Variants in PCDH9 observed in about 807,000 individuals in gnomAD.
PCDH9 encodes protocadherin-9.
Under a neutral mutation model 70.6 loss-of-function variants are expected in PCDH9, and 24 were observed. The ratio of observed to expected loss-of-function variants is 0.34; its 90% CI spans 0.25 to 0.48. The LOEUF (loss-of-function observed/expected upper bound fraction) is 0.48. PCDH9 is among the 20% of genes least tolerant of loss of function. PCDH9 has a pLI of 0.99. For synonymous variants in PCDH9, 562 were observed against 558.5 expected (o/e 1.01, Z -0.09); for missense variants, 1,281 against 1,503.6 (o/e 0.85, Z 2.45).
chr13:66,724,441 C>A (rs554366418), intron 3 of PCDH9, among the ~76,000 whole-genome samples: 11 of 152,152 alleles, frequency 7.2e-5, no homozygotes, highest in African/African-American at 2.7e-4. Context: ...CTTTACATTT[C>A]TCTCCTTATC....
intron 3 of PCDH9, among the ~76,000 whole-genome samples, chr13:66,755,841 T>C (rs2079531470): frequency 6.6e-6 from 1 of 152,096 alleles, no homozygotes; most frequent in African/African-American, 2.4e-5. Context: ...AATTGACACA[T>C]GCAGAAAAAT....
At chr13:66,845,083 C>A (rs1288614814) in intron 3 of PCDH9, among the ~76,000 whole-genome samples, 1 of 152,118 alleles carries the variant, frequency 6.6e-6, no homozygotes, top group African/African-American at 2.4e-5. Flanking sequence ...TAAGTTCTCA[C>A]TCCAGTCTGC....
intron 2 of PCDH9, among the ~76,000 whole-genome samples, chr13:67,154,603 TATACACACACACACAC>T (rs1226359231): frequency 1.2e-5 from 1 of 84,782 alleles, no homozygotes; most frequent in African/African-American, 4.9e-5. Flanking sequence ...AAAATATATA[TATACACACACACACAC>T]ACACACACAC....
chr13:66,542,025 G>A lies in PCDH9; in HGVS notation c.3340+89185C>T, dbSNP rs577457972. Among the ~76,000 whole-genome samples, 27 of 152,138 alleles carry A rather than the reference G, an allele frequency of 1.8e-4. 1 individual carries two copies. In the South Asian group the frequency reaches 4.2e-3, roughly 23 times the overall value. On this transcript the variant is annotated intron_variant, in intron 4 of 4. Transcript: ENST00000377865. ...GTTTGTTTGCATTTAAAAGGCTTGC[G>A]CATATAGATAAAATGAGTTAAGGAA...
At chr13:66,680,584 G>C (rs928576120) in intron 3 of PCDH9, among the ~76,000 whole-genome samples, 1 of 120,030 alleles carries the variant, frequency 8.3e-6, no homozygotes, top group Admixed American at 7.4e-5. Flanking sequence ...TTTTCAGGTC[G>C]AACTTTTATC....
At chr13:66,770,303 A>G (rs1277835206) in intron 3 of PCDH9, among the ~76,000 whole-genome samples, 2 of 152,128 alleles carry the variant, frequency 1.3e-5, no homozygotes, top group Non-Finnish European at 2.9e-5. Flanking sequence ...CTCATAAATT[A>G]CCACTAAAGA....
At chr13:67,198,211 AG>A (rs2089123720) in intron 2 of PCDH9, among the ~76,000 whole-genome samples, 1 of 151,692 alleles carries the variant, frequency 6.6e-6, no homozygotes, top group Non-Finnish European at 1.5e-5. Flanking sequence ...AAATATGTCA[AG>A]GGGAAAAATA....
chr13:66,444,124 C>A lies in PCDH9; in HGVS notation c.3341-139096G>T, dbSNP rs181736301. Among the ~76,000 whole-genome samples the A allele has an allele frequency of 1.8e-4, 28 of 152,240 alleles. No individual in the cohort carries two copies. The East Asian group carries it at 3.3e-3, about 18-fold the overall frequency. ...CCAGTTGTGCCCCACGGAGACTAAGCCATTCTTACTCTCCAGCACATTAAG... is the reference window on the plus strand; with the variant it reads ...CCAGTTGTGCCCCACGGAGACTAAGACATTCTTACTCTCCAGCACATTAAG... On this transcript the variant is annotated intron_variant, in intron 4 of 4. Transcript: ENST00000377865.
At chr13:66,677,679 C>G (rs139122380) in intron 3 of PCDH9, among the ~76,000 whole-genome samples, 1,637 of 152,170 alleles carry the variant, frequency 0.011, 22 homozygotes, top group Non-Finnish European at 0.016. Flanking sequence ...ATGTGATGTG[C>G]CTCTTCTCCC....
At chr13:66,324,820 A>C (rs2138098522) in intron 4 of PCDH9, among the ~76,000 whole-genome samples, 1 of 152,120 alleles carries the variant, frequency 6.6e-6, no homozygotes, top group Middle Eastern at 3.4e-3. Context: ...TAATTCACCA[A>C]GTTTTACCAC....
intron 4 of PCDH9, among the ~76,000 whole-genome samples, chr13:66,542,166 A>G (rs1157045518): frequency 1.3e-5 from 2 of 152,108 alleles, no homozygotes; most frequent in East Asian, 1.9e-4. Flanking sequence ...TATCATTTCT[A>G]TCTTATTTAT....
At chr13:66,734,486 C>A (rs957185142) in intron 3 of PCDH9, among the ~76,000 whole-genome samples, 2 of 152,076 alleles carry the variant, frequency 1.3e-5, no homozygotes, top group African/African-American at 4.8e-5. Flanking sequence ...ATCTTGTGAA[C>A]CCTGCAAATT....
chr13:67,026,484 T>C (rs1456981169), intron 2 of PCDH9, among the ~76,000 whole-genome samples: 3 of 152,154 alleles, frequency 2.0e-5, no homozygotes, highest in South Asian at 4.2e-4. Flanking sequence ...ACTGGAAGCA[T>C]TCCCTTTGAA....
chr13:66,500,744 CT>C (rs1481689567), intron 4 of PCDH9, among the ~76,000 whole-genome samples: 3 of 151,966 alleles, frequency 2.0e-5, no homozygotes, highest in African/African-American at 7.2e-5. Flanking sequence ...CTTGCTTTTC[CT>C]ATATGTTTCC....
intron 4 of PCDH9, among the ~76,000 whole-genome samples, chr13:66,599,364 A>G (rs985902805): frequency 1.3e-5 from 2 of 151,866 alleles, no homozygotes; most frequent in Non-Finnish European, 2.9e-5. Flanking sequence ...AGAAATATTT[A>G]AAATCCCTAA....
intron 4 of PCDH9, among the ~76,000 whole-genome samples, chr13:66,515,442 G>A (rs1389518962): frequency 2.0e-5 from 3 of 151,190 alleles, no homozygotes; most frequent in South Asian, 2.1e-4. Flanking sequence ...AAAGTTCCAC[G>A]GATAAAAACA....
intron 4 of PCDH9, among the ~76,000 whole-genome samples, chr13:66,320,484 C>T (rs986233953): frequency 1.3e-5 from 2 of 151,878 alleles, no homozygotes; most frequent in Non-Finnish European, 2.9e-5. Context: ...ATCTGTGAAC[C>T]TTTGGCAAGA....
chr13:66,491,400 T>TGTGTGTGTGC (rs1346223601), intron 4 of PCDH9, among the ~76,000 whole-genome samples: 6 of 151,064 alleles, frequency 4.0e-5, no homozygotes, highest in Non-Finnish European at 8.9e-5. Context: ...TGTGTGTGTG[T>TGTGTGTGTGC]GTGTGTGTGT....
chr13:66,665,891 A>C (rs1182293920), intron 3 of PCDH9, among the ~76,000 whole-genome samples: 1 of 152,128 alleles, frequency 6.6e-6, no homozygotes, highest in African/African-American at 2.4e-5. Flanking sequence ...GTAAGTAACG[A>C]AATGATTTTC....
Sources: allele counts gnomAD v4.1 joint callset (sites outside exome capture counted in the v4.1 genomes callset), GRCh38; gene constraint gnomAD v4.1.1; transcripts MANE v1.5; gene names NCBI Gene and HGNC (gene_info 2026-07-23, HGNC 2026-07-21).